Variants in AGTPBP1 observed in about 807,000 individuals in gnomAD.
AGTPBP1 encodes ATP/GTP binding carboxypeptidase 1, also known as cytosolic carboxypeptidase 1.
AGTPBP1 carries 70 observed loss-of-function variants against 143.9 expected under a neutral mutation model. The ratio of observed to expected loss-of-function variants is 0.49; its 90% CI spans 0.40 to 0.59. The LOEUF is 0.59. AGTPBP1 is among the 20% of genes least tolerant of loss of function. The pLI, the probability that AGTPBP1 is intolerant of heterozygous loss-of-function variation, is 0.00. For synonymous variants in AGTPBP1, 463 were observed against 500.2 expected, an observed-to-expected ratio of 0.93 and a Z score of 0.99; for missense variants, 1,229 against 1,464.5, an observed-to-expected ratio of 0.84 and a Z score of 2.62.
intron 1 of AGTPBP1, among the ~76,000 whole-genome samples, chr9:85,730,899 C>T (rs1173178173): frequency 1.3e-5 from 2 of 152,326 alleles, no homozygotes; most frequent in East Asian, 3.9e-4. Flanking sequence ...TATGTGGTTT[C>T]TATCTCCTGA....
At chr9:85,682,072 T>C (rs1327100708) in intron 3 of AGTPBP1, among the ~76,000 whole-genome samples, 1 of 150,436 alleles carries the variant, frequency 6.6e-6, no homozygotes, top group Non-Finnish European at 1.5e-5. Context: ...TTTAAAATTC[T>C]GTATCACACA....
the AGTPBP1 span, among the ~76,000 whole-genome samples, chr9:85,753,675 C>T: frequency 6.6e-6 from 1 of 151,770 alleles, no homozygotes; most frequent in African/African-American, 2.4e-5. Context: ...TCGCTTGAAC[C>T]CTGGAGGTGG....
chr9:85,686,607 G>C (rs1240426388), intron 3 of AGTPBP1, among the ~76,000 whole-genome samples: 1 of 152,242 alleles, frequency 6.6e-6, no homozygotes, highest in East Asian at 1.9e-4. Flanking sequence ...TAAAGCATAA[G>C]ATTGTGTAAG....
chr9:85,663,728 T>C lies in AGTPBP1; in HGVS notation c.663-2755A>G, dbSNP rs764611121. Among the ~76,000 whole-genome samples, 11 of 152,212 alleles carry C rather than the reference T, an allele frequency of 7.2e-5. No individual in the cohort carries two copies. The South Asian group carries it at 2.1e-3, about 29-fold the overall frequency. On this transcript the variant is annotated intron_variant, in intron 8 of 25. Transcript: ENST00000357081. Reference sequence around the variant, plus strand: ...TGTTCTAGAGGGAAGATTTAACATATTGCAGAAAGACAGTTTTTTTGAAAA... The same window carrying C: ...TGTTCTAGAGGGAAGATTTAACATACTGCAGAAAGACAGTTTTTTTGAAAA...
chr9:85,779,267 A>G, the AGTPBP1 span, among the ~76,000 whole-genome samples: 656 of 149,622 alleles, frequency 4.4e-3, 5 homozygotes, highest in African/African-American at 0.015. Flanking sequence ...ATAAATATAT[A>G]TAGCTATCTA....
At chr9:85,774,945 T>C in the AGTPBP1 span, among the ~76,000 whole-genome samples, 4 of 152,170 alleles carry the variant, frequency 2.6e-5, no homozygotes, top group African/African-American at 9.7e-5. Flanking sequence ...AAACTGATAT[T>C]TTAATATTTT....
Position 85,709,947 on chromosome 9 carries a change from G to A in AGTPBP1, c.32+2555C>T, listed in dbSNP as rs558233847. On this transcript the variant is annotated intron_variant, in intron 2 of 25. Transcript: ENST00000357081. The stretch of plus-strand genomic sequence containing the variant: ...TCTAATCTATCTAATTAGAATCTTT[G>A]TTTAAATTCAGCAATTCTGAATATT... Among the ~76,000 whole-genome samples, 4 of 152,118 alleles carry A rather than the reference G, an allele frequency of 2.6e-5. No individual in the cohort carries two copies. In the South Asian group the frequency reaches 8.3e-4, roughly 32 times the overall value.
intron 11 of AGTPBP1, among the ~76,000 whole-genome samples, chr9:85,646,864 C>T (rs958071437): frequency 1.3e-4 from 20 of 151,908 alleles, no homozygotes; most frequent in African/African-American, 4.8e-4. Context: ...TTTCCCTGGG[C>T]CACACTGGAA....
intron 25 of AGTPBP1, among the ~76,000 whole-genome samples, chr9:85,555,564 A>G (rs1433334725): frequency 6.6e-6 from 1 of 152,164 alleles, no homozygotes; most frequent in Non-Finnish European, 1.5e-5. Context: ...GTGCCACTGC[A>G]CTCCAGCCTG....
intron 17 of AGTPBP1, among the ~76,000 whole-genome samples, chr9:85,616,661 C>A (rs530618681): frequency 2.0e-5 from 3 of 151,776 alleles, no homozygotes; most frequent in African/African-American, 7.3e-5. Context: ...TTCTTTTCTC[C>A]TCTAAAAATA....
At chr9:85,704,078 T>C (rs1050270308) in intron 2 of AGTPBP1, among the ~76,000 whole-genome samples, 1 of 152,186 alleles carries the variant, frequency 6.6e-6, no homozygotes, top group African/African-American at 2.4e-5. Context: ...TGGGCTTCTA[T>C]AGCCTATCAA....
At chr9:85,707,711 C>T (rs1418110400) in intron 2 of AGTPBP1, among the ~76,000 whole-genome samples, 2 of 152,180 alleles carry the variant, frequency 1.3e-5, no homozygotes, top group Non-Finnish European at 2.9e-5. Flanking sequence ...TAACCAATTA[C>T]CACTAACCTC....
chr9:85,803,861 T>A, the AGTPBP1 span, among the ~76,000 whole-genome samples: 469 of 152,322 alleles, frequency 3.1e-3, 3 homozygotes, highest in Non-Finnish European at 2.8e-3. Flanking sequence ...CCTTTGTAAT[T>A]GTCTCTTTTC....
chr9:85,597,423 A>G (rs935900220), intron 17 of AGTPBP1, among the ~76,000 whole-genome samples: 18 of 152,074 alleles, frequency 1.2e-4, no homozygotes, highest in African/African-American at 4.3e-4. Flanking sequence ...AAACCTCAAA[A>G]AAATTATGCC....
At chr9:85,575,661 G>A (rs1433924912) in intron 24 of AGTPBP1, among the ~76,000 whole-genome samples, 186 bp from the exon 25 acceptor site, 1 of 152,112 alleles carries the variant, frequency 6.6e-6, no homozygotes, top group Non-Finnish European at 1.5e-5. Flanking sequence ...AGTCACAAAG[G>A]AAACTGTCCT....
chr9:85,657,114 G>T (rs1296845059), intron 10 of AGTPBP1, among the ~76,000 whole-genome samples: 3 of 151,102 alleles, frequency 2.0e-5, no homozygotes, highest in Non-Finnish European at 4.4e-5. Flanking sequence ...GCACCAGCAT[G>T]GCACATGTAT....
At chr9:85,695,752 A>G (rs1443982483) in intron 2 of AGTPBP1, among the ~76,000 whole-genome samples, 2 of 152,220 alleles carry the variant, frequency 1.3e-5, no homozygotes, top group South Asian at 4.1e-4. Flanking sequence ...ACTTTTTTCC[A>G]AAGAACATCA....
intron 18 of AGTPBP1, among the ~76,000 whole-genome samples, chr9:85,595,882 G>A (rs1455783164): frequency 6.6e-6 from 1 of 152,090 alleles, no homozygotes; most frequent in East Asian, 1.9e-4. Flanking sequence ...AGTCAAAGAT[G>A]AACTGTGTTA....
chr9:85,781,699 CA>C, the AGTPBP1 span, among the ~76,000 whole-genome samples: 5 of 151,680 alleles, frequency 3.3e-5, no homozygotes, highest in African/African-American at 4.8e-5. Context: ...CTGATTATCA[CA>C]AAAAAAGATG....
Sources: allele counts gnomAD v4.1 joint callset (sites outside exome capture counted in the v4.1 genomes callset), GRCh38; gene constraint gnomAD v4.1.1; transcripts MANE v1.5; gene names NCBI Gene and HGNC (gene_info 2026-07-23, HGNC 2026-07-21).